DLC1: variants seen among roughly 807,000 people sequenced by gnomAD.
The protein encoded by DLC1 is rho GTPase-activating protein 7.
In DLC1, 54 loss-of-function variants were observed where a neutral mutation model predicts 140.3. The observed-to-expected ratio is 0.38, with a 90% CI of 0.31 to 0.48. The LOEUF (loss-of-function observed/expected upper bound fraction) is 0.48, where lower values mean the gene tolerates loss of function less well. Among genes scored for constraint, DLC1 ranks in the 20% least tolerant of loss-of-function variants. The pLI is 0.96. For missense variants in DLC1, 2,536 were observed against 1,907.0 expected (o/e 1.33, Z -6.14); for synonymous variants, 986 against 728.1 (o/e 1.35, Z -5.70).
At chr8:13,268,103 T>G (rs1394738234) in intron 5 of DLC1, among the ~76,000 whole-genome samples, 1 of 152,214 alleles carries the variant, frequency 6.6e-6, no homozygotes, top group East Asian at 1.9e-4. Flanking sequence ...CTTCCAATTT[T>G]AGTTCATTCT....
chr8:13,274,156 T>G (rs1057401321), intron 5 of DLC1, among the ~76,000 whole-genome samples: 4 of 152,004 alleles, frequency 2.6e-5, no homozygotes, highest in African/African-American at 9.7e-5. Flanking sequence ...TCATGTTTGG[T>G]GAGTGGAAGG....
At chr8:13,464,857 C>G (rs1374269380) in intron 2 of DLC1, among the ~76,000 whole-genome samples, 1 of 148,938 alleles carries the variant, frequency 6.7e-6, no homozygotes, top group Non-Finnish European at 1.5e-5. Context: ...TACTTGGAAA[C>G]TCACCCCATT....
intron 5 of DLC1, among the ~76,000 whole-genome samples, chr8:13,177,713 T>C (rs1825826294): frequency 6.6e-6 from 1 of 152,100 alleles, no homozygotes; most frequent in Non-Finnish European, 1.5e-5. Flanking sequence ...ATATTTCAGA[T>C]AGTATTCTAA....
chr8:13,530,958 A>G (rs931841147), intron 1 of DLC1, among the ~76,000 whole-genome samples: 13 of 152,138 alleles, frequency 8.5e-5, no homozygotes, highest in African/African-American at 2.9e-4. Context: ...ATGTGATGGT[A>G]TTTGGAGATG....
At chr8:13,416,835 C>T (rs565676991) in intron 2 of DLC1, among the ~76,000 whole-genome samples, 1 of 152,180 alleles carries the variant, frequency 6.6e-6, no homozygotes, top group East Asian at 1.9e-4. Flanking sequence ...TTTGTAAATG[C>T]CCCAGGTGAT....
intron 4 of DLC1, among the ~76,000 whole-genome samples, chr8:13,351,248 A>C (rs925091524): frequency 6.6e-6 from 1 of 152,224 alleles, no homozygotes; most frequent in African/African-American, 2.4e-5. Context: ...ACAATAGACC[A>C]AGGGGAAAAG....
intron 1 of DLC1, among the ~76,000 whole-genome samples, chr8:13,544,145 A>G (rs1803576305): frequency 6.6e-6 from 1 of 151,872 alleles, no homozygotes; most frequent in Admixed American, 6.6e-5. Context: ...TGCACATAAA[A>G]TAATTTTTCT....
chr8:13,454,385 CAT>C, intron 2 of DLC1, among the ~76,000 whole-genome samples: 1 of 152,088 alleles, frequency 6.6e-6, no homozygotes, highest in East Asian at 1.9e-4. Context: ...ATATATAAAA[CAT>C]ATTCACAAAG....
At chr8:13,220,420 C>G (rs1325087096) in intron 5 of DLC1, among the ~76,000 whole-genome samples, 1 of 152,144 alleles carries the variant, frequency 6.6e-6, no homozygotes, top group Non-Finnish European at 1.5e-5. Context: ...TGAGGAATGT[C>G]TCTTTAGAGT....
intron 1 of DLC1, among the ~76,000 whole-genome samples, chr8:13,589,823 T>G (rs1170741252): frequency 6.6e-6 from 1 of 151,754 alleles, no homozygotes; most frequent in Non-Finnish European, 1.5e-5. Context: ...GATATTTTAA[T>G]AATCAAGAAA....
intron 5 of DLC1, among the ~76,000 whole-genome samples, chr8:13,258,401 G>A (rs74591773): frequency 0.01 from 1,566 of 152,252 alleles, 20 homozygotes; most frequent in African/African-American, 0.035. Flanking sequence ...AGGAAGATAG[G>A]AGAGAATTTA....
At chr8:13,492,069 A>G (rs1341653774) in intron 2 of DLC1, among the ~76,000 whole-genome samples, 3 of 152,178 alleles carry the variant, frequency 2.0e-5, no homozygotes, top group Non-Finnish European at 4.4e-5. Flanking sequence ...CATGTCAGTA[A>G]TAAGTCTTCT....
At chr8:13,591,793 G>C (rs1276715847) in intron 1 of DLC1, among the ~76,000 whole-genome samples, 1 of 152,112 alleles carries the variant, frequency 6.6e-6, no homozygotes, top group Non-Finnish European at 1.5e-5. Context: ...TGGATCCACA[G>C]TGATAAATAG....
chr8:13,397,966 A>G (rs289570), intron 3 of DLC1, among the ~76,000 whole-genome samples: 54,818 of 151,752 alleles, frequency 0.36, 10,505 homozygotes, highest in East Asian at 0.77. Context: ...CCCTGTCTCT[A>G]CTGAAAATTC....
chr8:13,334,924 G>C (rs888437502), intron 4 of DLC1, among the ~76,000 whole-genome samples: 57 of 152,156 alleles, frequency 3.7e-4, no homozygotes, highest in African/African-American at 1.3e-3. Context: ...ACTTTATCTG[G>C]AAATAGGGAC....
intron 1 of DLC1, among the ~76,000 whole-genome samples, chr8:13,544,181 C>G (rs537638461): frequency 1.1e-4 from 16 of 142,498 alleles, no homozygotes; most frequent in African/African-American, 4.0e-4. Flanking sequence ...TTGTCATTCT[C>G]TCTTACACAC....
At chr8:13,171,503 G>A (rs998668563) in intron 5 of DLC1, among the ~76,000 whole-genome samples, 1 of 152,000 alleles carries the variant, frequency 6.6e-6, no homozygotes, top group Non-Finnish European at 1.5e-5. Flanking sequence ...CAATCCTCCT[G>A]TCTCAGCCTC....
chr8:13,163,182 GT>G (rs1824850834), intron 5 of DLC1, among the ~76,000 whole-genome samples: 1 of 152,104 alleles, frequency 6.6e-6, no homozygotes, highest in East Asian at 1.9e-4. Context: ...AGTCCATTGT[GT>G]TATAATATTA....
intron 4 of DLC1, among the ~76,000 whole-genome samples, chr8:13,371,753 G>A (rs1439638231): frequency 1.3e-5 from 2 of 152,162 alleles, no homozygotes; most frequent in African/African-American, 4.8e-5. Flanking sequence ...CTGAGTTAGA[G>A]TTGGCTGTGC....
Sources: gnomAD v4.1 joint callset for allele counts (sites outside exome capture counted in the v4.1 genomes callset) on GRCh38, gnomAD v4.1.1 for gene constraint, MANE v1.5 for transcripts, NCBI Gene and HGNC (gene_info 2026-07-23, HGNC 2026-07-21) for gene names.